PIK3C2G: variants seen among roughly 807,000 people sequenced by gnomAD.
PIK3C2G encodes phosphatidylinositol-4-phosphate 3-kinase catalytic subunit type 2 gamma.
In PIK3C2G, 168 loss-of-function variants were observed where a neutral mutation model predicts 181.1. The observed-to-expected ratio is 0.93, with a 90% CI of 0.82 to 1.05. The LOEUF (loss-of-function observed/expected upper bound fraction) is 1.05. Among genes scored for constraint, PIK3C2G ranks in the 50% least tolerant of loss-of-function variants. PIK3C2G has a pLI of 0.00. For missense variants in PIK3C2G, 1,869 were observed against 1,732.8 expected, an observed-to-expected ratio of 1.08 and a Z score of -1.40; for synonymous variants, 573 against 592.2, an observed-to-expected ratio of 0.97 and a Z score of 0.47.
At chr12:18,343,283 A>C (rs1939313310) in intron 9 of PIK3C2G, 44 bp from the exon 10 acceptor site, 2 of 1,055,192 alleles carry the variant, frequency 1.9e-6, no homozygotes, top group African/African-American at 3.2e-5. Flanking sequence ...TATTTTGTGA[A>C]TTTGTTGTGC....
intron 5 of PIK3C2G, among the ~76,000 whole-genome samples, chr12:18,309,511 A>T (rs1464636721): frequency 6.6e-6 from 1 of 151,846 alleles, no homozygotes; most frequent in Admixed American, 6.6e-5. Flanking sequence ...GTTTGCCTGT[A>T]ATTCTCTCAT....
intron 29 of PIK3C2G, among the ~76,000 whole-genome samples, chr12:18,579,799 T>G: frequency 6.6e-6 from 1 of 152,072 alleles, no homozygotes; most frequent in East Asian, 1.9e-4. Context: ...TTGCTCTGTT[T>G]TGGTGGAATT....
At chr12:18,283,191 T>C (rs1949298866) in intron 2 of PIK3C2G, among the ~76,000 whole-genome samples, 1 of 152,142 alleles carries the variant, frequency 6.6e-6, no homozygotes, top group Admixed American at 6.5e-5. Context: ...TAGGAAAAAA[T>C]GCCCCTTTAC....
chr12:18,577,904 C>T (rs954000059), intron 29 of PIK3C2G, among the ~76,000 whole-genome samples: 1 of 152,150 alleles, frequency 6.6e-6, no homozygotes, highest in African/African-American at 2.4e-5. Flanking sequence ...TGAGGAGCCT[C>T]GGCGTATTAG....
At chr12:18,338,575 A>G (rs780792167) in intron 9 of PIK3C2G, 27 bp downstream of exon 9, 1 of 1,508,102 alleles carries the variant, frequency 6.6e-7, no homozygotes, top group Non-Finnish European at 9.1e-7. Flanking sequence ...ATTACACAGT[A>G]GTTTTAAACC....
chr12:18,394,504 C>T (rs1226480535), intron 15 of PIK3C2G, among the ~76,000 whole-genome samples: 1 of 151,710 alleles, frequency 6.6e-6, no homozygotes, highest in East Asian at 1.9e-4. Flanking sequence ...GAAACAGATC[C>T]AAAGAGTTTT....
intron 9 of PIK3C2G, among the ~76,000 whole-genome samples, chr12:18,341,775 G>T (rs754173508): frequency 7.9e-5 from 12 of 152,100 alleles, no homozygotes; most frequent in Non-Finnish European, 1.5e-4. Context: ...TAAGATTGAA[G>T]AAATGACAAA....
chr12:18,405,715 T>G (rs1944492871), intron 16 of PIK3C2G, among the ~76,000 whole-genome samples: 1 of 152,118 alleles, frequency 6.6e-6, no homozygotes, highest in Admixed American at 6.6e-5. Flanking sequence ...AATCAGGTAG[T>G]CACTGATGAT....
intron 16 of PIK3C2G, among the ~76,000 whole-genome samples, chr12:18,408,989 G>A (rs903198481): frequency 1.3e-5 from 2 of 152,094 alleles, no homozygotes; most frequent in African/African-American, 4.8e-5. Context: ...AGACAATGTG[G>A]CAATTCCTCA....
chr12:18,395,013 CTTT>C (rs201627625), intron 15 of PIK3C2G, among the ~76,000 whole-genome samples: 2 of 125,788 alleles, frequency 1.6e-5, no homozygotes, highest in East Asian at 4.4e-4. Context: ...TTTCTTTCTT[CTTT>C]TTCTTTCTTT....
At chr12:18,426,378 A>G (rs1456947756) in intron 18 of PIK3C2G, among the ~76,000 whole-genome samples, 1 of 151,956 alleles carries the variant, frequency 6.6e-6, no homozygotes, top group East Asian at 1.9e-4. Context: ...AATGTTAAAA[A>G]CTCACTTATT....
chr12:18,264,134 T>C (rs550944237), intron 1 of PIK3C2G, among the ~76,000 whole-genome samples: 11 of 152,340 alleles, frequency 7.2e-5, no homozygotes, highest in Admixed American at 6.5e-4. Context: ...ACATGTATTA[T>C]CTAAAAATTT....
the PIK3C2G span, chr12:18,719,490 A>G: frequency 6.3e-7 from 1 of 1,588,562 alleles, no homozygotes; most frequent in South Asian, 1.2e-5. Flanking sequence ...AATATGTGTT[A>G]TGTGAAGATG....
At chr12:18,362,165 T>C (rs1367034893) in intron 11 of PIK3C2G, among the ~76,000 whole-genome samples, 1 of 152,130 alleles carries the variant, frequency 6.6e-6, no homozygotes, top group African/African-American at 2.4e-5. Flanking sequence ...AATCATTCTA[T>C]GCTGAGTTGT....
chr12:18,530,174 A>G (rs1319783427), intron 24 of PIK3C2G, among the ~76,000 whole-genome samples: 2 of 152,134 alleles, frequency 1.3e-5, no homozygotes, highest in African/African-American at 4.8e-5. Context: ...TACTTTCTTG[A>G]GAAAAATAAA....
chr12:18,697,306 A>T, the PIK3C2G span, among the ~76,000 whole-genome samples: 3 of 152,152 alleles, frequency 2.0e-5, no homozygotes, highest in African/African-American at 7.2e-5. Flanking sequence ...ATCAATATTT[A>T]TTTTCAAAAG....
At chr12:18,723,622 T>C in the PIK3C2G span, 1 of 1,063,644 alleles carries the variant, frequency 9.4e-7, no homozygotes, top group Non-Finnish European at 1.4e-6. Flanking sequence ...TTATGTAACA[T>C]GTAGTAATTT....
chr12:18,402,331 T>C (rs912480758), intron 16 of PIK3C2G, among the ~76,000 whole-genome samples: 2 of 152,116 alleles, frequency 1.3e-5, no homozygotes, highest in African/African-American at 4.8e-5. Flanking sequence ...GGCAAAGCTC[T>C]ACAGACAGAA....
chr12:18,582,593 G>T (rs1205837731), intron 29 of PIK3C2G, among the ~76,000 whole-genome samples: 1 of 152,172 alleles, frequency 6.6e-6, no homozygotes, highest in Non-Finnish European at 1.5e-5. Context: ...AATCCAGGGG[G>T]CTGAGCAGCA....
Sources: allele counts gnomAD v4.1 joint callset (sites outside exome capture counted in the v4.1 genomes callset), GRCh38; gene constraint gnomAD v4.1.1; transcripts MANE v1.5; gene names NCBI Gene and HGNC (gene_info 2026-07-23, HGNC 2026-07-21).